TMEM184B: variants seen among roughly 807,000 people sequenced by gnomAD.
TMEM184B encodes transmembrane protein 184B.
A neutral mutation model predicts 41.8 loss-of-function variants in TMEM184B; 17 were observed. The ratio of observed to expected loss-of-function variants is 0.41; its 90% CI spans 0.28 to 0.61. The LOEUF is 0.61. Among genes scored for constraint, TMEM184B ranks in the 20% least tolerant of loss-of-function variants. The pLI is 0.34. For synonymous variants in TMEM184B, 240 were observed against 229.5 expected (o/e 1.05, Z -0.41); for missense variants, 393 against 557.8 (o/e 0.70, Z 2.98).
Position 38,247,902 on chromosome 22 carries a change from G to A in TMEM184B, c.60C>T (p.Ala20=). ...CGGGGATCACGGAGACGCTGGGCGA[G>A]GCTGCTGCGGTCGTGGGCGACGCTG... is the stretch of plus-strand genomic sequence containing the variant. ...PDPASPTTAA[A]SPSVSVIPEG... The change falls in exon 2 of 9, where the codon GCC becomes GCT. Residue 20 remains alanine, a synonymous_variant. Transcript: ENST00000361906. 1 of 1,608,282 alleles carries A rather than the reference G, an allele frequency of 6.2e-7. No individual in the cohort carries two copies. The highest frequency in any genetic ancestry group is 8.5e-7 in the Non-Finnish European group (1 of 1,178,620).
rs568994251 is a variant in TMEM184B at position 38,251,119 on chromosome 22, G to A, written c.-58-3100C>T. 2.0e-5 allele frequency among the ~76,000 whole-genome samples: 3 copies of A among 152,300 alleles called. No individual in the cohort carries two copies. The South Asian group carries it at 6.2e-4, about 32-fold the overall frequency. On this transcript the variant is annotated intron_variant, in intron 1 of 8. Transcript: ENST00000361906. ...CATAGCCTCCAGACTCTTCTAGCAG[G>A]AGGGGAGGCAGGTCCCCCAGGGTGG... is the stretch of plus-strand genomic sequence containing the variant.
intron 1 of TMEM184B, among the ~76,000 whole-genome samples, chr22:38,263,071 TTG>T (rs1009856165): frequency 1.4e-4 from 21 of 152,152 alleles, no homozygotes; most frequent in Admixed American, 9.8e-4. Context: ...TCTGGCTAAT[TTG>T]TGTATTTTTA....
In TMEM184B at chr22:38,225,142, G is replaced by A. The variant is rs370675328; in HGVS notation, c.788-163C>T. On this transcript the variant is annotated intron_variant, in intron 7 of 8. Coordinates refer to ENST00000361906, the MANE Select transcript of TMEM184B (RefSeq NM_012264.5). This position sits in a 1 kb window ranked among gnomAD's most constrained non-coding sequence, Gnocchi z 4.4. ...GTAGCGACACAAGGCCACAGCCTCC[G>A]GAAACCCCACTCTCCCAGCTCTTTG... is the stretch of plus-strand genomic sequence containing the variant. Among the ~76,000 whole-genome samples, 40 of 152,290 alleles carry A rather than the reference G, an allele frequency of 2.6e-4. No individual in the cohort carries two copies. The highest frequency in any genetic ancestry group is 4.1e-4 in the South Asian group (2 of 4,828).
intron 4 of TMEM184B, 110 bp from the exon 5 acceptor site, chr22:38,230,854 C>T (rs2091596915): frequency 9.6e-7 from 1 of 1,042,942 alleles, no homozygotes; most frequent in Non-Finnish European, 1.4e-6. Flanking sequence ...CTGGGGCACA[C>T]ATTCTGGGCA....
In TMEM184B at chr22:38,221,277, T is replaced by G; in HGVS notation, c.*192A>C. On this transcript the variant is annotated 3_prime_UTR_variant, in exon 9 of 9. Transcript: ENST00000361906. ...GTGCAGGCTGGGCCATGTATAAATATTCCTGAAGGCCCATGGGCGAGCCTG... is the reference window on the plus strand; with the variant it reads ...GTGCAGGCTGGGCCATGTATAAATAGTCCTGAAGGCCCATGGGCGAGCCTG... 7.0e-7 allele frequency: 1 copy of G among 1,428,284 alleles called. No homozygotes were observed. The highest frequency in any genetic ancestry group is 9.1e-7 in the Non-Finnish European group (1 of 1,096,080). 88.5% of individuals were successfully genotyped at this position (1,428,284 alleles called of 1,614,324 possible). A position where few individuals can be genotyped will look rare whatever the true frequency, so the allele number is the denominator to read the frequency against.
intron 1 of TMEM184B, among the ~76,000 whole-genome samples, chr22:38,265,514 C>T (rs2092431543): frequency 6.6e-6 from 1 of 152,120 alleles, no homozygotes; most frequent in Non-Finnish European, 1.5e-5. Context: ...TGCTTCCTCC[C>T]CCAGGATCTT....
At chr22:38,265,097 T>C (rs1489131202) in intron 1 of TMEM184B, among the ~76,000 whole-genome samples, 1 of 152,222 alleles carries the variant, frequency 6.6e-6, no homozygotes, top group Non-Finnish European at 1.5e-5. Context: ...TTTCTCCTCC[T>C]GGAGATGAGG....
chr22:38,233,138 A>T (rs919211366), intron 3 of TMEM184B, among the ~76,000 whole-genome samples: 2 of 152,202 alleles, frequency 1.3e-5, no homozygotes, highest in African/African-American at 4.8e-5. Flanking sequence ...GCTGGCCTTC[A>T]GCGATTTGGA....
intron 1 of TMEM184B, among the ~76,000 whole-genome samples, chr22:38,248,701 G>A (rs570167065): frequency 6.6e-6 from 1 of 152,260 alleles, no homozygotes; most frequent in South Asian, 2.1e-4. Flanking sequence ...GGCCCCCTGG[G>A]GACAGCGGCT....
chr22:38,231,169 G>C, intron 4 of TMEM184B, 75 bp downstream of exon 4: 2 of 1,259,354 alleles, frequency 1.6e-6, no homozygotes, highest in South Asian at 2.4e-5. Flanking sequence ...TGTCCAGCTG[G>C]TGCCAGGACG....
intron 3 of TMEM184B, among the ~76,000 whole-genome samples, chr22:38,238,222 A>T (rs1414273581): frequency 6.8e-6 from 1 of 146,872 alleles, no homozygotes; most frequent in East Asian, 2.0e-4. Flanking sequence ...TGGATCTATC[A>T]ACTTCTTTTT....
chr22:38,230,179 G>T, intron 5 of TMEM184B, among the ~76,000 whole-genome samples: 1 of 144,064 alleles, frequency 6.9e-6, no homozygotes, highest in African/African-American at 2.6e-5. Context: ...AAGCTAGAGC[G>T]GCTGGACTGC....
At chr22:38,259,755 T>C (rs2092341286) in intron 1 of TMEM184B, among the ~76,000 whole-genome samples, 1 of 152,214 alleles carries the variant, frequency 6.6e-6, no homozygotes, top group South Asian at 2.1e-4. Context: ...TGGTTTTTCT[T>C]ATTGTAAGTA....
rs761913063 is a variant in TMEM184B at position 38,225,470 on chromosome 22, G to A, written c.741C>T (p.Leu247=). Residue 247 remains leucine, a synonymous_variant, in exon 7 of 9, where the codon CTC becomes CTT. Coordinates refer to ENST00000361906, the MANE Select transcript of TMEM184B (RefSeq NM_012264.5). This position sits in a 1 kb window ranked among gnomAD's most constrained non-coding sequence, Gnocchi z 4.4. ...TGACGGACTTGACCATGAAGAACTTGAGGACGGGGCTGTAGGGGCTGAGCA... is the reference window on the plus strand; with the variant it reads ...TGACGGACTTGACCATGAAGAACTTAAGGACGGGGCTGTAGGGGCTGAGCA... ...RELLSPYSPV[L]KFFMVKSVIF... is the part of the protein sequence containing the mutation. 19 of 1,579,330 alleles carry A rather than the reference G, an allele frequency of 1.2e-5. No homozygotes were observed. The highest frequency in any genetic ancestry group is 1.6e-5 in the Non-Finnish European group (19 of 1,167,720).
chr22:38,219,678 G>A lies in TMEM184B; in HGVS notation c.*1791C>T, dbSNP rs981854478. On this transcript the variant is annotated 3_prime_UTR_variant, in exon 9 of 9. Transcript: ENST00000361906. The stretch of plus-strand genomic sequence containing the variant: ...CCCTCCACGCAAACAGCAACGCTGG[G>A]CAGGCGAAAACCAAGGGAGTGGGAA... The A allele has an allele frequency of 1.3e-5, 13 of 985,540 alleles. No homozygotes were observed. In the Admixed American group the frequency reaches 2.5e-4, roughly 19 times the overall value. The allele number at this position is 985,540 out of a possible 1,614,324, so 61.0% of individuals were successfully genotyped here.
intron 1 of TMEM184B, among the ~76,000 whole-genome samples, chr22:38,267,794 T>C (rs2092465204): frequency 6.6e-6 from 1 of 152,094 alleles, no homozygotes; most frequent in Non-Finnish European, 1.5e-5. Flanking sequence ...CACAAACCCA[T>C]CCAACCATTC....
At chr22:38,227,015 G>A (rs2091462270) in intron 5 of TMEM184B, 145 bp from the exon 6 acceptor site, 2 of 780,494 alleles carry the variant, frequency 2.6e-6, no homozygotes, top group Admixed American at 4.7e-5. Flanking sequence ...GAGGGACGGA[G>A]GGGATGGAGG....
intron 3 of TMEM184B, chr22:38,231,683 G>A (rs546651135): frequency 4.0e-5 from 18 of 452,118 alleles, no homozygotes; most frequent in African/African-American, 3.0e-4. Flanking sequence ...TGGCAGTGTC[G>A]ACCCTGGGGC....
At chr22:38,259,657 C>A (rs1397739469) in intron 1 of TMEM184B, among the ~76,000 whole-genome samples, 1 of 152,206 alleles carries the variant, frequency 6.6e-6, no homozygotes, top group Non-Finnish European at 1.5e-5. Flanking sequence ...TATGGCCCTG[C>A]CAACACCTCG....
Sources: allele counts gnomAD v4.1 joint callset (sites outside exome capture counted in the v4.1 genomes callset), GRCh38; gene constraint gnomAD v4.1.1; non-coding constraint Gnocchi (gnomAD v3.1); transcripts MANE v1.5; gene names NCBI Gene and HGNC (gene_info 2026-07-23, HGNC 2026-07-21).